Variants in IL1RAPL1 observed in about 807,000 individuals in gnomAD.
IL1RAPL1 encodes the protein interleukin 1 receptor accessory protein like 1.
In IL1RAPL1, 3 loss-of-function variants were observed where a neutral mutation model predicts 48.4. The observed-to-expected ratio is 0.06, with a 90% confidence interval of 0.03 to 0.16. The LOEUF (loss-of-function observed/expected upper bound fraction) is 0.16. Among genes scored for constraint, IL1RAPL1 ranks in the 10% least tolerant of loss-of-function variants. The pLI is 1.00. For missense variants in IL1RAPL1, 349 were observed against 530.6 expected (o/e 0.66, Z 3.36); for synonymous variants, 185 against 187.7 (o/e 0.99, Z 0.12).
At chrX:28,728,496 G>T (rs1935709491) in intron 1 of IL1RAPL1, among the ~76,000 whole-genome samples, 1 of 111,412 alleles carries the variant, frequency 9.0e-6, no homozygotes, top group South Asian at 3.7e-4. Context: ...TTTACAATGA[G>T]AGTATCTCTA....
At chrX:29,468,019 C>A (rs1934882628) in intron 5 of IL1RAPL1, among the ~76,000 whole-genome samples, 1 of 110,781 alleles carries the variant, frequency 9.0e-6, no homozygotes, top group African/African-American at 3.3e-5. Flanking sequence ...TGCCACCACG[C>A]CTGGCTAATT....
chrX:29,109,860 GA>G (rs1369515189), intron 2 of IL1RAPL1, among the ~76,000 whole-genome samples: 1 of 111,690 alleles, frequency 9.0e-6, no homozygotes, highest in Non-Finnish European at 1.9e-5. Context: ...CAATGAGAAG[GA>G]AAAATAATTT....
At chrX:29,586,557 T>C (rs1923169607) in intron 5 of IL1RAPL1, among the ~76,000 whole-genome samples, 1 of 112,014 alleles carries the variant, frequency 8.9e-6, no homozygotes, top group Non-Finnish European at 1.9e-5. Flanking sequence ...GTAGAATTTT[T>C]TTTACCTATT....
chrX:28,737,819 C>T (rs962805846), intron 1 of IL1RAPL1, among the ~76,000 whole-genome samples: 2 of 111,912 alleles, frequency 1.8e-5, no homozygotes, highest in African/African-American at 6.5e-5. Context: ...ATTCATCCAA[C>T]AAAACTGTAT....
chrX:29,168,951 A>C (rs1929857623), intron 2 of IL1RAPL1, among the ~76,000 whole-genome samples: 1 of 70,019 alleles, frequency 1.4e-5, no homozygotes, highest in South Asian at 5.7e-4. Flanking sequence ...TCATATGTAC[A>C]ATTGTATATA....
intron 1 of IL1RAPL1, among the ~76,000 whole-genome samples, chrX:28,684,175 A>C (rs2146921514): frequency 8.9e-6 from 1 of 112,311 alleles, no homozygotes; most frequent in African/African-American, 3.2e-5. Context: ...CACTCATTTA[A>C]AGATGGCACC....
intron 6 of IL1RAPL1, among the ~76,000 whole-genome samples, chrX:29,792,071 C>T (rs1929650741): frequency 9.0e-6 from 1 of 111,292 alleles, no homozygotes; most frequent in South Asian, 3.8e-4. Context: ...ATTTAAGTTT[C>T]CTGAAAATCA....
intron 6 of IL1RAPL1, among the ~76,000 whole-genome samples, chrX:29,752,958 T>G (rs1354041105): frequency 8.9e-6 from 1 of 112,077 alleles, no homozygotes; most frequent in Non-Finnish European, 1.9e-5. Context: ...GCATCATTAA[T>G]CTATTCCTTG....
intron 3 of IL1RAPL1, among the ~76,000 whole-genome samples, chrX:29,361,561 A>ACACACACG (rs1555998904): frequency 0.021 from 2,318 of 108,024 alleles, 63 homozygotes; most frequent in African/African-American, 0.079. Context: ...ACACACACAC[A>ACACACACG]CACACACACA....
chrX:29,805,419 G>GCACACA (rs1246891430), intron 6 of IL1RAPL1, among the ~76,000 whole-genome samples: 3,071 of 107,782 alleles, frequency 0.028, 103 homozygotes, highest in African/African-American at 0.098. Context: ...ACACATGCAC[G>GCACACA]CACACACACA....
At chrX:28,713,779 G>C (rs758761890) in intron 1 of IL1RAPL1, among the ~76,000 whole-genome samples, 6 of 111,723 alleles carry the variant, frequency 5.4e-5, no homozygotes, top group African/African-American at 1.9e-4. Flanking sequence ...TAGAAAGAAG[G>C]CAGCCAATTG....
In IL1RAPL1 at chrX:28,636,918, T is replaced by A. The variant is rs186970099; in HGVS notation, c.-25+48871T>A. Among the ~76,000 whole-genome samples the A allele has an allele frequency of 1.1e-4, 12 of 111,579 alleles. No individual in the cohort carries two copies. The East Asian group carries it at 1.1e-3, about 10-fold the overall frequency. Reference sequence around the variant, plus strand: ...CTTTACACAAAATCAGAGGTTTTTTTAAATAAGAATGGGACAAGATATGTT... The same window carrying A: ...CTTTACACAAAATCAGAGGTTTTTTAAAATAAGAATGGGACAAGATATGTT... On this transcript the variant is annotated intron_variant, in intron 1 of 10. Coordinates refer to ENST00000378993, the MANE Select transcript of IL1RAPL1 (RefSeq NM_014271.4).
chrX:29,527,396 G>A (rs751713514), intron 5 of IL1RAPL1, among the ~76,000 whole-genome samples: 1 of 82,417 alleles, frequency 1.2e-5, no homozygotes, highest in African/African-American at 4.7e-5. Flanking sequence ...AGAGTACAGT[G>A]GTGCGATCTC....
chrX:29,484,423 A>G (rs1006223878), intron 5 of IL1RAPL1, among the ~76,000 whole-genome samples: 2 of 111,989 alleles, frequency 1.8e-5, no homozygotes, highest in African/African-American at 3.2e-5. Flanking sequence ...AATACGATCA[A>G]CATATGAATT....
At chrX:29,111,586 C>G (rs889374684) in intron 2 of IL1RAPL1, among the ~76,000 whole-genome samples, 1 of 111,591 alleles carries the variant, frequency 9.0e-6, no homozygotes, top group African/African-American at 3.3e-5. Context: ...TGCACATGAG[C>G]AAGAATTTCT....
intron 2 of IL1RAPL1, among the ~76,000 whole-genome samples, chrX:28,954,386 ATTTAT>A (rs1014025793): frequency 7.3e-5 from 8 of 110,160 alleles, no homozygotes; most frequent in African/African-American, 2.6e-4. Flanking sequence ...TAAAAAAGAG[ATTTAT>A]TTAATTTCTA....
chrX:29,226,539 TTTCC>T (rs1489853243), intron 2 of IL1RAPL1, among the ~76,000 whole-genome samples: 3 of 107,098 alleles, frequency 2.8e-5, no homozygotes, highest in African/African-American at 1.0e-4. Context: ...TTCAAGCAAT[TTTCC>T]TTCCTTAGCC....
chrX:29,802,799 A>ACATG (rs1929973644), intron 6 of IL1RAPL1, among the ~76,000 whole-genome samples: 2 of 48,220 alleles, frequency 4.1e-5, no homozygotes, highest in African/African-American at 2.3e-4. Flanking sequence ...GTGTATATAT[A>ACATG]TATATATATA....
At chrX:29,562,107 ATCT>A (rs1287770106) in intron 5 of IL1RAPL1, among the ~76,000 whole-genome samples, 1,449 of 79,160 alleles carry the variant, frequency 0.018, 18 homozygotes, top group South Asian at 0.024. Flanking sequence ...CTATCTATCT[ATCT>A]ATCTAATCTA....
Sources: allele counts gnomAD v4.1 joint callset (sites outside exome capture counted in the v4.1 genomes callset), GRCh38; gene constraint gnomAD v4.1.1; transcripts MANE v1.5; gene names NCBI Gene and HGNC (gene_info 2026-07-23, HGNC 2026-07-21).